The following DGLUCY variants were observed in gnomAD, a reference collection of about 807,000 sequenced individuals.
DGLUCY encodes the protein D-glutamate cyclase.
Under a neutral mutation model 58.5 loss-of-function variants are expected in DGLUCY, and 58 were observed. The ratio of observed to expected loss-of-function variants is 0.99; its 90% CI spans 0.80 to 1.23. The LOEUF (loss-of-function observed/expected upper bound fraction) is 1.23. Among genes scored for constraint, DGLUCY ranks in the 50% most tolerant of loss-of-function variants. The probability of loss-of-function intolerance (pLI) is 0.00; values close to 1 mark genes in which losing one functional copy is unlikely to be tolerated. For missense variants in DGLUCY, 779 were observed against 784.7 expected (o/e 0.99, Z 0.09); for synonymous variants, 325 against 314.1 (o/e 1.03, Z -0.37).
rs532174420 is a variant in DGLUCY at position 91,137,214 on chromosome 14, C to A, written c.-81-20425C>A. 3.3e-5 allele frequency among the ~76,000 whole-genome samples: 5 copies of A among 151,236 alleles called. No homozygotes were observed. In the East Asian group the frequency reaches 9.7e-4, roughly 29 times the overall value. On this transcript the variant is annotated intron_variant, in intron 1 of 13. Coordinates refer to ENST00000256324, the MANE Select transcript of DGLUCY (RefSeq NM_001102368.3). ...TCTCCAACTCCTGGCCTCAAGGGGT[C>A]CTCCCACCCCAGGTTCCCAAATTGC... is the stretch of plus-strand genomic sequence containing the variant.
chr14:91,204,641 C>G (rs1322839418), intron 11 of DGLUCY, 65 bp from the exon 12 acceptor site: 2 of 1,586,910 alleles, frequency 1.3e-6, no homozygotes, highest in Non-Finnish European at 1.7e-6. Flanking sequence ...GTAGGGCTGC[C>G]TTGCTTCAGG....
intron 1 of DGLUCY, among the ~76,000 whole-genome samples, chr14:91,082,501 C>T (rs1197592560): frequency 6.6e-6 from 1 of 152,214 alleles, no homozygotes; most frequent in Admixed American, 6.5e-5. Context: ...CTTATGAGTA[C>T]ATGGCTTGCT....
At chr14:91,184,633 A>AAGGAAGGG (rs1555402953) in intron 8 of DGLUCY, among the ~76,000 whole-genome samples, 2 of 46,594 alleles carry the variant, frequency 4.3e-5, no homozygotes, top group African/African-American at 2.0e-4. Flanking sequence ...GGAAGGAAGG[A>AAGGAAGGG]AGGGAGGGAG....
intron 1 of DGLUCY, among the ~76,000 whole-genome samples, chr14:91,085,457 C>T (rs973215020): frequency 6.6e-6 from 1 of 151,800 alleles, no homozygotes; most frequent in African/African-American, 2.4e-5. Context: ...GTCCATAGCT[C>T]TTATGAGTCG....
exon 1 of DGLUCY, chr14:91,060,651 C>G: frequency 2.0e-6 from 1 of 501,056 alleles, no homozygotes; most frequent in Non-Finnish European, 3.1e-6. Flanking sequence ...CGCAACCAAA[C>G]CGCCCCCTGC....
At position 91,127,906 on chromosome 14, in the gene DGLUCY, C is replaced by G. The variant is rs184671714; in HGVS notation, c.-82+13623C>G. Among the ~76,000 whole-genome samples the G allele has an allele frequency of 1.4e-4, 21 of 151,876 alleles. No individual in the cohort carries two copies. The East Asian group carries it at 4.1e-3, about 29-fold the overall frequency. On this transcript the variant is annotated intron_variant, in intron 1 of 13. Coordinates refer to ENST00000256324, the MANE Select transcript of DGLUCY (RefSeq NM_001102368.3). Reference sequence around the variant, plus strand: ...GAAGGCTGAAGAAGGGGCAGCACACCCCAGGCACCTGGCTTTTTTTTTTTT... The same window carrying G: ...GAAGGCTGAAGAAGGGGCAGCACACGCCAGGCACCTGGCTTTTTTTTTTTT...
rs556479753 is a variant in DGLUCY, at chr14:91,144,181, T to C, written c.-81-13458T>C. 2.0e-5 allele frequency among the ~76,000 whole-genome samples: 3 copies of C among 152,198 alleles called. No homozygotes were observed. In the South Asian group the frequency reaches 6.2e-4, roughly 32 times the overall value. On this transcript the variant is annotated intron_variant, in intron 1 of 13. Coordinates refer to ENST00000256324, the MANE Select transcript of DGLUCY (RefSeq NM_001102368.3). ...TACTTTTCAGACTGCTCAGCCGGGG[T>C]GGGAGGGTCCCTGGGACAGGGTGTT...
intron 13 of DGLUCY, among the ~76,000 whole-genome samples, chr14:91,220,045 C>A (rs1023551070): frequency 2.0e-5 from 3 of 152,220 alleles, no homozygotes; most frequent in African/African-American, 7.2e-5. Flanking sequence ...GGATGCTGGT[C>A]TGGGTTAGGG....
intron 7 of DGLUCY, 39 bp downstream of exon 7, chr14:91,176,095 G>A (rs2048838589): frequency 6.8e-6 from 11 of 1,605,990 alleles, no homozygotes; most frequent in Middle Eastern, 1.7e-4. Context: ...TCTGCCCTAG[G>A]ATGGAGCCCA....
intron 1 of DGLUCY, among the ~76,000 whole-genome samples, chr14:91,066,377 GAAAAAAAAAAGAAAAAAA>G (rs1165709118): frequency 2.8e-5 from 2 of 72,544 alleles, no homozygotes; most frequent in Non-Finnish European, 5.3e-5. Flanking sequence ...AACCCCATCT[GAAAAAAAAAAGAAAAAAA>G]AAAAAAAAAA....
At chr14:91,106,896 T>C (rs1436434608), upstream of DGLUCY, among the ~76,000 whole-genome samples, 1 of 152,216 alleles carries the variant, frequency 6.6e-6, no homozygotes, top group Non-Finnish European at 1.5e-5. Context: ...AGAGAAACTA[T>C]TTTTTGACAG....
At position 91,196,392 on chromosome 14, in the gene DGLUCY, A is replaced by T; in HGVS notation, c.1213A>T (p.Ile405Phe). 6.2e-7 allele frequency: 1 copy of T among 1,614,132 alleles called. No homozygotes were observed. The highest frequency in any genetic ancestry group is 8.5e-7 in the Non-Finnish European group (1 of 1,180,020). Residue 405 changes from isoleucine (I) to phenylalanine (F), a missense_variant, in exon 10 of 14, where the codon ATC (isoleucine) becomes TTC (phenylalanine). Ile to Phe is a conservative substitution (Grantham distance 21). Transcript: ENST00000256324. ...TTTTCAAGGTGTTCTGAAGACGCAG[A>T]TCCCGATATTAACTTACCAAGGTGG... ...AVEQGVLKTQ[I>F]PILTYQGGSV...
At chr14:91,074,161 A>ACATC (rs71120110) in intron 1 of DGLUCY, among the ~76,000 whole-genome samples, 1 of 128,632 alleles carries the variant, frequency 7.8e-6, no homozygotes, top group African/African-American at 3.3e-5. Flanking sequence ...ACACACACAC[A>ACATC]GTCAAGCACC....
At chr14:91,063,892 T>C (rs552274448) in intron 1 of DGLUCY, among the ~76,000 whole-genome samples, 64 of 152,316 alleles carry the variant, frequency 4.2e-4, no homozygotes, top group African/African-American at 1.5e-3. Flanking sequence ...AGTTAGTGTT[T>C]GGAGACTGCG....
chr14:91,198,340 A>G (rs1364173978), intron 10 of DGLUCY, among the ~76,000 whole-genome samples: 1 of 142,766 alleles, frequency 7.0e-6, no homozygotes, highest in African/African-American at 2.8e-5. Context: ...CACTGTGCCC[A>G]GCCTTTTTTT....
intron 5 of DGLUCY, among the ~76,000 whole-genome samples, chr14:91,170,561 T>A (rs965193260): frequency 6.6e-6 from 1 of 152,136 alleles, no homozygotes; most frequent in African/African-American, 2.4e-5. Flanking sequence ...TGAGCCTGGC[T>A]CTCTCAATAC....
intron 1 of DGLUCY, among the ~76,000 whole-genome samples, chr14:91,082,305 A>C (rs2044141250): frequency 6.6e-6 from 1 of 152,170 alleles, no homozygotes. Flanking sequence ...ACCTGACCCA[A>C]GTGTAGCCAG....
chr14:91,224,660 T>C (rs977448910), intron 13 of DGLUCY, 24 bp from the exon 14 acceptor site: 1 of 1,576,118 alleles, frequency 6.3e-7, no homozygotes, highest in South Asian at 1.1e-5. Context: ...CCACTCCTTC[T>C]ATTTCTGCCC....
chr14:91,217,412 C>G (rs1321726215), intron 13 of DGLUCY, among the ~76,000 whole-genome samples: 1 of 151,804 alleles, frequency 6.6e-6, no homozygotes. Context: ...TACAAGTCCC[C>G]TGCCAGTGGG....
Sources: gnomAD v4.1 joint callset for allele counts (sites outside exome capture counted in the v4.1 genomes callset) on GRCh38, gnomAD v4.1.1 for gene constraint, MANE v1.5 for transcripts, NCBI Gene and HGNC (gene_info 2026-07-23, HGNC 2026-07-21) for gene names.